Variants in CDH13 observed in about 807,000 individuals in gnomAD.
The protein encoded by CDH13 is cadherin 13.
CDH13 carries 24 observed loss-of-function variants against 63.8 expected under a neutral mutation model. The ratio of observed to expected loss-of-function variants is 0.38; its 90% confidence interval spans 0.27 to 0.53. The LOEUF is 0.53. Among genes scored for constraint, CDH13 ranks in the 20% least tolerant of loss-of-function variants. The probability of loss-of-function intolerance (pLI) is 0.85; values close to 1 mark genes in which losing one functional copy is unlikely to be tolerated. For synonymous variants in CDH13, 503 were observed against 355.3 expected (o/e 1.42, Z -4.67); for missense variants, 1,049 against 903.1 (o/e 1.16, Z -2.07).
At chr16:83,137,185 G>A (rs1443112174) in intron 4 of CDH13, among the ~76,000 whole-genome samples, 1 of 152,206 alleles carries the variant, frequency 6.6e-6, no homozygotes, top group Non-Finnish European at 1.5e-5. Flanking sequence ...GTTTAGCAGT[G>A]AGGATCATTT....
intron 4 of CDH13, among the ~76,000 whole-genome samples, chr16:83,165,344 A>G (rs1412489750): frequency 2.0e-5 from 3 of 151,790 alleles, no homozygotes; most frequent in East Asian, 3.9e-4. Flanking sequence ...TAGATGATAG[A>G]TGATGGATAT....
intron 2 of CDH13, among the ~76,000 whole-genome samples, chr16:83,025,163 C>G (rs1387885624): frequency 3.3e-5 from 5 of 152,172 alleles, no homozygotes; most frequent in Non-Finnish European, 7.3e-5. Flanking sequence ...GTCCTAAGTG[C>G]TTTCTGTGTG....
chr16:83,193,458 T>A (rs2038786435), intron 4 of CDH13, among the ~76,000 whole-genome samples: 1 of 152,202 alleles, frequency 6.6e-6, no homozygotes, highest in Non-Finnish European at 1.5e-5. Context: ...TTCTCTTCTC[T>A]TCATGGGGGT....
chr16:82,879,221 C>G (rs2040608769), intron 2 of CDH13, among the ~76,000 whole-genome samples: 1 of 151,990 alleles, frequency 6.6e-6, no homozygotes, highest in Non-Finnish European at 1.5e-5. Context: ...GATGCCAGCT[C>G]TAATACTTAC....
chr16:82,651,544 C>A (rs941272370), intron 1 of CDH13, among the ~76,000 whole-genome samples: 1 of 152,184 alleles, frequency 6.6e-6, no homozygotes, highest in Non-Finnish European at 1.5e-5. Context: ...TTCTTAAATT[C>A]CTCTGGCCAG....
chr16:83,071,523 C>T (rs1012267287), intron 3 of CDH13, among the ~76,000 whole-genome samples: 1 of 152,190 alleles, frequency 6.6e-6, no homozygotes, highest in Non-Finnish European at 1.5e-5. Flanking sequence ...CGTCTGCCCT[C>T]ACTGACCCAT....
chr16:83,501,536 C>T (rs2074283712), intron 7 of CDH13, among the ~76,000 whole-genome samples: 3 of 152,186 alleles, frequency 2.0e-5, no homozygotes, highest in Admixed American at 2.0e-4. Flanking sequence ...CAGCATTGGA[C>T]AGCCACCATG....
chr16:83,179,642 ACT>A (rs1015123348), intron 4 of CDH13, among the ~76,000 whole-genome samples: 5 of 124,448 alleles, frequency 4.0e-5, no homozygotes, highest in African/African-American at 9.3e-5. Context: ...ACAGAGCGAG[ACT>A]CTCTCTCAGA....
chr16:83,315,896 G>C (rs1555529267), intron 5 of CDH13, among the ~76,000 whole-genome samples: 1 of 152,146 alleles, frequency 6.6e-6, no homozygotes, highest in Non-Finnish European at 1.5e-5. Context: ...ATATATGGGA[G>C]TATATATTGA....
chr16:83,711,846 A>C (rs1209957187), intron 10 of CDH13, among the ~76,000 whole-genome samples: 2 of 152,204 alleles, frequency 1.3e-5, no homozygotes, highest in Non-Finnish European at 2.9e-5. Flanking sequence ...CTTAGTAGAC[A>C]TTGCATTCTT....
At chr16:83,763,470 A>T (rs1223744775) in intron 11 of CDH13, among the ~76,000 whole-genome samples, 1 of 152,182 alleles carries the variant, frequency 6.6e-6, no homozygotes, top group African/African-American at 2.4e-5. Context: ...CTGAATTTAT[A>T]GCCCCCAAAC....
At chr16:82,843,854 C>G (rs1056144535) in intron 1 of CDH13, among the ~76,000 whole-genome samples, 3 of 152,218 alleles carry the variant, frequency 2.0e-5, no homozygotes, top group Admixed American at 2.0e-4. Context: ...ATTGACACAA[C>G]ACCAGGCCTG....
intron 11 of CDH13, among the ~76,000 whole-genome samples, chr16:83,749,571 T>C (rs549115945): frequency 6.6e-6 from 1 of 152,324 alleles, no homozygotes; most frequent in South Asian, 2.1e-4. Context: ...AGATGATTCA[T>C]TTGATAGAAC....
At chr16:83,031,874 G>T (rs919884884) in intron 2 of CDH13, 136 bp from the exon 3 acceptor site, 2 of 686,706 alleles carry the variant, frequency 2.9e-6, no homozygotes, top group Non-Finnish European at 5.0e-6. Context: ...GCATCTTGCT[G>T]TGGGATAAAA....
chr16:83,187,111 C>T (rs1417870326), intron 4 of CDH13, among the ~76,000 whole-genome samples: 1 of 152,106 alleles, frequency 6.6e-6, no homozygotes, highest in African/African-American at 2.4e-5. Context: ...GCTGGGACTA[C>T]AGTTGCCTGC....
At chr16:83,573,957 G>T (rs1904874612) in intron 7 of CDH13, among the ~76,000 whole-genome samples, 1 of 152,020 alleles carries the variant, frequency 6.6e-6, no homozygotes, top group South Asian at 2.1e-4. Flanking sequence ...TCAGTAAATT[G>T]GGTCCCCGGG....
At chr16:83,539,338 G>A (rs548867889) in intron 7 of CDH13, among the ~76,000 whole-genome samples, 2 of 152,262 alleles carry the variant, frequency 1.3e-5, no homozygotes, top group Admixed American at 6.5e-5. Context: ...TGGCTGATCT[G>A]ACAGGAGGCG....
intron 6 of CDH13, among the ~76,000 whole-genome samples, chr16:83,392,281 G>A (rs558013563): frequency 1.2e-4 from 19 of 152,268 alleles, no homozygotes; most frequent in Admixed American, 9.2e-4. Context: ...TTAAATAACA[G>A]CTCCAATCTT....
chr16:83,012,029 C>T (rs1463657445), intron 2 of CDH13, among the ~76,000 whole-genome samples: 1 of 152,062 alleles, frequency 6.6e-6, no homozygotes, highest in African/African-American at 2.4e-5. Flanking sequence ...ACGCCCTTTC[C>T]CCAGCCCAGG....
Sources: gnomAD v4.1 joint callset for allele counts (sites outside exome capture counted in the v4.1 genomes callset) on GRCh38, gnomAD v4.1.1 for gene constraint, MANE v1.5 for transcripts, NCBI Gene and HGNC (gene_info 2026-07-23, HGNC 2026-07-21) for gene names.